The following TTN variants were observed in gnomAD, a reference collection of about 807,000 sequenced individuals.
TTN encodes the protein connectin.
In TTN, 1,525 loss-of-function variants were observed where a neutral mutation model predicts 3,223.0. The ratio of observed to expected loss-of-function variants is 0.47; its 90% CI spans 0.45 to 0.49. TTN has a LOEUF of 0.49. TTN is among the 20% of genes least tolerant of loss of function. The pLI, the probability that TTN is intolerant of heterozygous loss-of-function variation, is 0.00. For synonymous variants in TTN, 14,094 were observed against 15,161.0 expected, an observed-to-expected ratio of 0.93 and a Z score of 5.17; for missense variants, 40,786 against 43,424.0, an observed-to-expected ratio of 0.94 and a Z score of 5.40.
In TTN at chr2:178,535,786, C is replaced by T. The variant is rs373754986; in HGVS notation, c.100829G>A (p.Gly33610Asp). The T allele has an allele frequency of 4.0e-5, 65 of 1,612,500 alleles. No homozygotes were observed. The Admixed American group carries it at 7.8e-4, about 19-fold the overall frequency. ...AGGAATCTTGATGCTGACCACTTCACCTCGGAGAGCATGAACTGCTCCCAT... is the reference window on the plus strand; with the variant it reads ...AGGAATCTTGATGCTGACCACTTCATCTCGGAGAGCATGAACTGCTCCCAT... ...EGMGAVHALR[G>D]EVVSIKIPFS... The change falls in exon 358 of 363, where the codon GGT becomes GAT. Residue 33610 changes from glycine to aspartate, a missense_variant. Transcript: ENST00000589042.
At chr2:178,764,372 G>A (rs1561161022) in intron 42 of TTN, 70 bp from the exon 43 acceptor site, 3 of 1,612,562 alleles carry the variant, frequency 1.9e-6, no homozygotes, top group Non-Finnish European at 1.7e-6. Flanking sequence ...GGAGCATGTA[G>A]GTTTATCTTA....
At chr2:178,749,603 T>G in intron 47 of TTN, 2 of 1,612,116 alleles carry the variant, frequency 1.2e-6, no homozygotes, top group Non-Finnish European at 1.7e-6. Flanking sequence ...ATATTTTCCA[T>G]AAATTTCACC....
chr2:178,569,746 A>G lies in TTN; in HGVS notation c.76386T>C (p.Asn25462=), dbSNP rs747509537. 1.2e-6 allele frequency: 2 copies of G among 1,613,064 alleles called. No individual in the cohort carries two copies. The highest frequency in any genetic ancestry group is 2.7e-5 in the African/African-American group (2 of 74,814). Residue 25462 remains asparagine (N), a synonymous_variant, in exon 326 of 363, where the codon AAT becomes AAC. Transcript: ENST00000589042. ...GCTTCTCTACTTCTATGTTTGTTTT[A>G]TTAATTCCTGTTGGTGGAGTGCACA... ...WTMCTPPTGI[N]KTNIEVEKLL...
In TTN at chr2:178,576,229, G is replaced by T. The variant is rs372799151; in HGVS notation, c.69903C>A (p.Phe23301Leu). The change falls in exon 326 of 363, where the codon TTC becomes TTA. Residue 23301 changes from phenylalanine (F) to leucine (L), a missense_variant. Coordinates refer to ENST00000589042, the MANE Select transcript of TTN (RefSeq NM_001267550.2). This position sits in a 1 kb window ranked among gnomAD's most constrained non-coding sequence, Gnocchi z 4.3. Reference protein sequence around the residue: ...TTGTALRITQFVVPDLQTKEK... With the variant: ...TTGTALRITQLVVPDLQTKEK... The stretch of plus-strand genomic sequence containing the variant: ...CTTTAGTCTGAAGATCAGGAACAAC[G>T]AACTGAGTGATTCTGAGGGCGGTTC... 197 of 1,612,856 alleles carry T rather than the reference G, an allele frequency of 1.2e-4. No homozygotes were observed. The African/African-American group carries it at 2.5e-3, about 21-fold the overall frequency.
Position 178,597,633 on chromosome 2 carries a change from A to G in TTN, c.57449T>C (p.Ile19150Thr), listed in dbSNP as rs1553659483. Residue 19150 changes from isoleucine to threonine, a missense_variant, in exon 294 of 363, where the codon ATC (isoleucine) becomes ACC (threonine). Physicochemically the swap from Ile to Thr is moderately conservative, Grantham distance 89. Coordinates refer to ENST00000589042, the MANE Select transcript of TTN (RefSeq NM_001267550.2). ...TTGATGGCTCCTCTGGCAGTTCTTGATGACCATGGATGAGCTAATGGCTGT... is the reference window on the plus strand; with the variant it reads ...TTGATGGCTCCTCTGGCAGTTCTTGGTGACCATGGATGAGCTAATGGCTGT... Reference protein sequence around the residue: ...ETTAISSSMVIKNCQRSHQGV... With the variant: ...ETTAISSSMVTKNCQRSHQGV... The G allele has an allele frequency of 1.2e-6, 2 of 1,613,296 alleles. No individual in the cohort carries two copies. Among genetic ancestry groups the G allele is most frequent in the Non-Finnish European group, 1.7e-6 (2 of 1,179,536 alleles).
chr2:178,701,585 T>C lies in TTN; in HGVS notation c.30541A>G (p.Ile10181Val). ...GGGATTGGAACTCTGGAGTCAGGAA[T>C]ATCTGGAAAGGGACATGTAATAAGC... ...EIKLELKPPD[I>V]PDSRVPIPTM... Residue 10181 changes from isoleucine (I) to valine (V), a missense_variant and splice_region_variant, in exon 110 of 363, where the codon ATT becomes GTT. Coordinates refer to ENST00000589042, the MANE Select transcript of TTN (RefSeq NM_001267550.2). The C allele has an allele frequency of 6.2e-7, 1 of 1,613,674 alleles. No homozygotes were observed. The highest frequency in any genetic ancestry group is 8.5e-7 in the Non-Finnish European group (1 of 1,179,680).
rs878854335 is a variant in TTN, at chr2:178,569,952, A to AAGGAGGGCTTGGTTCACTAAGTT, written c.76179_76180insAACTTAGTGAACCAAGCCCTCCT (p.Ser25394AsnfsTer30). 1.2e-6 allele frequency: 2 copies of AAGGAGGGCTTGGTTCACTAAGTT among 1,612,550 alleles called. No individual in the cohort carries two copies. Among genetic ancestry groups the AAGGAGGGCTTGGTTCACTAAGTT allele is most frequent in the Non-Finnish European group, 1.7e-6 (2 of 1,179,100 alleles). On this transcript the variant is annotated frameshift_variant, in exon 326 of 363. Coordinates refer to ENST00000589042, the MANE Select transcript of TTN (RefSeq NM_001267550.2). LOFTEE classifies it high-confidence loss of function. The stretch of plus-strand genomic sequence containing the variant: ...GGATCACAAGCCTTTTGGTAAGCAG[A>AAGGAGGGCTTGGTTCACTAAGTT]AGGAGGGCTTGGTTCACTAAGTCCA...
At position 178,611,058 on chromosome 2, in the gene TTN, A is replaced by C. The variant is rs1389981053; in HGVS notation, c.51071T>G (p.Ile17024Ser). The part of the protein sequence containing the change: ...VPKSVRADAG[I>S]YTITLENKLG... The stretch of plus-strand genomic sequence containing the variant: ...CTTATTCTCCAGTGTAATGGTATAA[A>C]TTCCGGCATCTGCACGGACACTCTT... The change falls in exon 270 of 363, where the codon ATT becomes AGT. Residue 17024 changes from isoleucine to serine, a missense_variant. Coordinates refer to ENST00000589042, the MANE Select transcript of TTN (RefSeq NM_001267550.2). The C allele has an allele frequency of 1.2e-6, 2 of 1,612,838 alleles. No individual in the cohort carries two copies. The highest frequency in any genetic ancestry group is 2.2e-5 in the South Asian group (2 of 91,034).
chr2:178,565,266 T>C lies in TTN; in HGVS notation c.80866A>G (p.Asn26956Asp). ...DFGKYTVTAT[N>D]SAGTATENLS... ...TTTTCTGTTGCTGTGCCTGCACTAT[T>C]TGTTGCCGTTACGGTGTATTTTCCA... The change falls in exon 326 of 363, where the codon AAT becomes GAT. Residue 26956 changes from asparagine to aspartate, a missense_variant. Transcript: ENST00000589042. 6.2e-7 allele frequency: 1 copy of C among 1,613,640 alleles called. No individual in the cohort carries two copies.
chr2:178,681,029 T>C, intron 138 of TTN, 50 bp downstream of exon 138: 1 of 1,428,636 alleles, frequency 7.0e-7, no homozygotes, highest in South Asian at 1.3e-5. Flanking sequence ...TACATTAATT[T>C]CAAAAGAGGC....
At position 178,654,272 on chromosome 2, in the gene TTN, T is replaced by G. The variant is rs1195550297; in HGVS notation, c.38316A>C (p.Glu12772Asp). The change falls in exon 193 of 363, where the codon GAA becomes GAC. Residue 12772 changes from glutamate to aspartate, a missense_variant. Physicochemically the swap from Glu to Asp is conservative, Grantham distance 45. Coordinates refer to ENST00000589042, the MANE Select transcript of TTN (RefSeq NM_001267550.2). ...CAGATACTTTCTTTTCAAGTACAACTTCTTTAGGAGCTTCAGGAACTTTGA... is the reference window on the plus strand; with the variant it reads ...CAGATACTTTCTTTTCAAGTACAACGTCTTTAGGAGCTTCAGGAACTTTGA... ...PPPKVPEAPK[E>D]VVLEKKVSVA... 10 of 1,599,228 alleles carry G rather than the reference T, an allele frequency of 6.3e-6. 1 individual carries two copies. Among genetic ancestry groups the G allele is most frequent in the Non-Finnish European group, 8.5e-6 (10 of 1,177,680 alleles).
intron 44 of TTN, chr2:178,758,777 C>A: frequency 1.7e-6 from 1 of 602,582 alleles, no homozygotes. Flanking sequence ...AAAAGCGGGG[C>A]CAAATGAAAC....
intron 134 of TTN, 135 bp downstream of exon 134, chr2:178,683,076 T>C: frequency 1.1e-6 from 1 of 940,154 alleles, no homozygotes; most frequent in South Asian, 1.5e-5. Context: ...TATTTAGCAA[T>C]TGTGATTTCA....
rs2055228050 is a variant in TTN at position 178,607,688 on chromosome 2, G to A, written c.53003-3C>T. The A allele has an allele frequency of 6.2e-7, 1 of 1,612,648 alleles. No homozygotes were observed. Among genetic ancestry groups the A allele is most frequent in the Non-Finnish European group, 8.5e-7 (1 of 1,179,316 alleles). ...ATCCAGTTCCACAGCTGGAGGCTCT[G>A]TTGAAAGAGAACAGTCATGCATTAG... is the stretch of plus-strand genomic sequence containing the variant. On this transcript the variant is annotated splice_polypyrimidine_tract_variant and splice_region_variant and intron_variant, in intron 276 of 362. Coordinates refer to ENST00000589042, the MANE Select transcript of TTN (RefSeq NM_001267550.2).
intron 347 of TTN, 45 bp from the exon 348 acceptor site, chr2:178,542,994 T>C (rs750401379): frequency 3.2e-6 from 5 of 1,543,296 alleles, no homozygotes; most frequent in Admixed American, 2.2e-5. Flanking sequence ...ATTATTTTTA[T>C]GGTAAATTGT....
Position 178,607,593 on chromosome 2 carries a change from G to A in TTN, c.53095C>T (p.Arg17699Cys), listed in dbSNP as rs760963888. 1.5e-5 allele frequency: 24 copies of A among 1,612,920 alleles called. No individual in the cohort carries two copies. The highest frequency in any genetic ancestry group is 6.7e-5 in the Admixed American group (4 of 59,954). ...TLRIPAVVTG[R>C]PVPTKVWTKE... is the part of the protein sequence containing the mutation. ...GTCCATACTTTTGTAGGTACAGGGC[G>A]ACCAGTCACCACAGCTGGAATTCTA... is the stretch of plus-strand genomic sequence containing the variant. Residue 17699 changes from arginine to cysteine, a missense_variant, in exon 277 of 363, where the codon CGC becomes TGC. Arg to Cys is a radical substitution (Grantham distance 180). Transcript: ENST00000589042.
rs747893721 is a variant in TTN at position 178,541,449 on chromosome 2, G to C, written c.97628C>G (p.Ala32543Gly). 1.2e-6 allele frequency: 2 copies of C among 1,613,482 alleles called. No individual in the cohort carries two copies. Among genetic ancestry groups the C allele is most frequent in the Non-Finnish European group, 1.7e-6 (2 of 1,179,616 alleles). Residue 32543 changes from alanine to glycine, a missense_variant, in exon 350 of 363, where the codon GCA becomes GGA. Ala to Gly is a moderately conservative substitution (Grantham distance 60, BLOSUM62 0). Transcript: ENST00000589042. ...TTTATTTACACGGACCCATCGATCT[G>C]CTCTCACTTCTTTGCGCTCCACAAT... ...GYIVERKEVR[A>G]DRWVRVNKVP...
In TTN at chr2:178,576,359, G is replaced by T; in HGVS notation, c.69773C>A (p.Ser23258Tyr). Residue 23258 changes from serine (S) to tyrosine (Y), a missense_variant, in exon 326 of 363, where the codon TCT becomes TAT. Transcript: ENST00000589042. The surrounding 1 kb of genome is among the most constrained non-coding windows in gnomAD (Gnocchi z 4.3). ...ATAATGAGGCTTGCCCCATGCCAAA[G>T]AAGCAGATTTCTTGGTAGTATCAGT... Reference protein sequence around the residue: ...HVTDTTKKSASLAWGKPHYDG... With the variant: ...HVTDTTKKSAYLAWGKPHYDG... 2.6e-6 allele frequency: 4 copies of T among 1,557,824 alleles called. No individual in the cohort carries two copies. Among genetic ancestry groups the T allele is most frequent in the Non-Finnish European group, 3.5e-6 (4 of 1,159,152 alleles).
chr2:178,717,404 A>G (rs954487259), intron 87 of TTN, 22 bp from the exon 88 acceptor site: 4 of 1,590,306 alleles, frequency 2.5e-6, no homozygotes, highest in African/African-American at 1.4e-5. Context: ...GAAGACCAAC[A>G]TGGTGATTTT....
Sources: gnomAD v4.1 joint callset for allele counts on GRCh38, gnomAD v4.1.1 for gene constraint, Gnocchi (gnomAD v3.1) non-coding constraint, MANE v1.5 for transcripts, NCBI Gene and HGNC (gene_info 2026-07-23, HGNC 2026-07-21) for gene names.